Variants in NFIA observed in about 807,000 individuals in gnomAD.
The protein encoded by NFIA is nuclear factor 1 A-type.
A neutral mutation model predicts 62.8 loss-of-function variants in NFIA; 8 were observed. The ratio of observed to expected loss-of-function variants is 0.13; its 90% confidence interval spans 0.07 to 0.23. The LOEUF is 0.23. Among genes scored for constraint, NFIA ranks in the 10% least tolerant of loss-of-function variants. The pLI is 1.00. For synonymous variants in NFIA, 235 were observed against 238.1 expected (o/e 0.99, Z 0.12); for missense variants, 410 against 642.1 (o/e 0.64, Z 3.91).
intron 3 of NFIA, among the ~76,000 whole-genome samples, chr1:61,304,693 A>T (rs1201376258): frequency 6.6e-6 from 1 of 151,854 alleles, no homozygotes; most frequent in East Asian, 1.9e-4. Context: ...GATTGAAGAG[A>T]TGAAAGTTCC....
At chr1:61,296,205 A>G (rs1659182157) in intron 3 of NFIA, among the ~76,000 whole-genome samples, 1 of 152,228 alleles carries the variant, frequency 6.6e-6, no homozygotes, top group East Asian at 1.9e-4. Flanking sequence ...TGAATAAATG[A>G]TGCTCCAGTT....
At chr1:61,279,770 G>A (rs2100281686) in intron 3 of NFIA, among the ~76,000 whole-genome samples, 1 of 152,224 alleles carries the variant, frequency 6.6e-6, no homozygotes, top group South Asian at 2.1e-4. Context: ...TGAGAGGCCT[G>A]GCATGCCTTT....
At chr1:61,077,287 C>G, upstream of NFIA, 1 of 269,068 alleles carries the variant, frequency 3.7e-6, no homozygotes, top group Non-Finnish European at 6.9e-6. Context: ...CAATCCAAAG[C>G]ACGCAAGGCA....
chr1:61,102,518 T>G (rs981904303), intron 2 of NFIA, among the ~76,000 whole-genome samples: 15 of 152,190 alleles, frequency 9.9e-5, no homozygotes, highest in Admixed American at 4.6e-4. Context: ...CCTATCTTAT[T>G]TTTTGGTAAT....
At chr1:61,369,984 G>A (rs1364414680) in intron 6 of NFIA, among the ~76,000 whole-genome samples, 1 of 152,060 alleles carries the variant, frequency 6.6e-6, no homozygotes, top group African/African-American at 2.4e-5. Context: ...GTGGTTTTTG[G>A]CCATCAATGT....
intron 2 of NFIA, among the ~76,000 whole-genome samples, chr1:61,124,075 T>A (rs1057413570): frequency 1.3e-5 from 2 of 152,154 alleles, no homozygotes; most frequent in African/African-American, 4.8e-5. Context: ...GACAATAAAA[T>A]AATGAGCCAT....
At position 61,455,870 on chromosome 1, in the gene NFIA, C is replaced by G. The variant is rs937308717; in HGVS notation, c.*550C>G. ...TGGAAAAAGAAAATGCAGTTATATT[C>G]CTTTTTTATTTGTTCCTTTAGTTTG... On this transcript the variant is annotated 3_prime_UTR_variant, in exon 11 of 11. Coordinates refer to ENST00000403491, the MANE Select transcript of NFIA (RefSeq NM_001134673.4). The G allele has an allele frequency of 6.5e-6, 1 of 153,462 alleles. No homozygotes were observed. Among genetic ancestry groups the G allele is most frequent in the Non-Finnish European group, 1.5e-5 (1 of 68,700 alleles). 9.5% of individuals were successfully genotyped at this position (153,462 alleles called of 1,614,324 possible).
intron 2 of NFIA, among the ~76,000 whole-genome samples, chr1:61,237,040 T>G (rs1257803725): frequency 2.0e-5 from 3 of 152,166 alleles, no homozygotes; most frequent in Non-Finnish European, 4.4e-5. Flanking sequence ...GGGTGGGGAC[T>G]TTTTGTCTCT....
intron 2 of NFIA, among the ~76,000 whole-genome samples, chr1:61,194,704 A>G (rs1651875456): frequency 6.6e-6 from 1 of 152,160 alleles, no homozygotes; most frequent in Non-Finnish European, 1.5e-5. Context: ...AAGGTCCTGT[A>G]TGTAGGAACT....
intron 2 of NFIA, among the ~76,000 whole-genome samples, chr1:61,138,470 TAG>T (rs1169208595): frequency 1.3e-5 from 2 of 152,174 alleles, no homozygotes; most frequent in African/African-American, 2.4e-5. Context: ...CCACCACCCT[TAG>T]AGGTAGAAAG....
intron 2 of NFIA, among the ~76,000 whole-genome samples, chr1:61,210,186 T>A (rs548024557): frequency 6.6e-6 from 1 of 152,326 alleles, no homozygotes; most frequent in Non-Finnish European, 1.5e-5. Flanking sequence ...CAGGGCTGTC[T>A]CATTTCTGCA....
At chr1:61,225,344 G>A (rs1288482855) in intron 2 of NFIA, among the ~76,000 whole-genome samples, 1 of 151,476 alleles carries the variant, frequency 6.6e-6, no homozygotes, top group African/African-American at 2.4e-5. Context: ...TCTGCCTCCC[G>A]GGTTCAAGTG....
intron 2 of NFIA, among the ~76,000 whole-genome samples, chr1:61,147,997 T>G (rs1333770266): frequency 2.6e-5 from 4 of 152,164 alleles, no homozygotes; most frequent in African/African-American, 9.7e-5. Context: ...TTTAATTTAG[T>G]AGGTCGATTA....
rs377754003 is a variant in NFIA, at chr1:61,393,160, CT to C, written c.1075+9801del. The stretch of plus-strand genomic sequence containing the variant: ...ATGTATAGACTCATTATTTATTTTC[CT>C]TTTTTCAGCATAGAATAAAAAATTC... On this transcript the variant is annotated intron_variant, in intron 7 of 10. Coordinates refer to ENST00000403491, the MANE Select transcript of NFIA (RefSeq NM_001134673.4). 3.6e-3 allele frequency among the ~76,000 whole-genome samples: 309 copies of C among 84,676 alleles called. 1 individual carries two copies. Among genetic ancestry groups the C allele is most frequent in the African/African-American group, 0.019 (277 of 14,386 alleles). The allele number at this position is 84,676 out of a possible 152,430, so 55.6% of individuals were successfully genotyped here.
intron 2 of NFIA, among the ~76,000 whole-genome samples, chr1:61,208,662 G>A (rs1377955563): frequency 6.6e-6 from 1 of 151,968 alleles, no homozygotes; most frequent in African/African-American, 2.4e-5. Context: ...TTGTTATAAG[G>A]GTTAAATAAG....
chr1:61,277,373 ATCTTT>A, intron 2 of NFIA, 142 bp from the exon 3 acceptor site: 2 of 723,202 alleles, frequency 2.8e-6, no homozygotes, highest in Non-Finnish European at 4.6e-6. Flanking sequence ...TTCTCTTTCC[ATCTTT>A]TCTTTTTTTC....
At chr1:61,091,959 A>G (rs1646328492) in intron 2 of NFIA, among the ~76,000 whole-genome samples, 1 of 151,866 alleles carries the variant, frequency 6.6e-6, no homozygotes, top group South Asian at 2.1e-4. Context: ...CTTTTTAAGG[A>G]CTCATTTCTT....
chr1:61,239,573 A>G (rs759362985), intron 2 of NFIA, among the ~76,000 whole-genome samples: 19 of 152,286 alleles, frequency 1.2e-4, no homozygotes, highest in East Asian at 1.9e-4. Context: ...AGCATGTTCT[A>G]TGAATATAAG....
chr1:61,290,913 A>T (rs1370066337), intron 3 of NFIA, among the ~76,000 whole-genome samples: 1 of 152,156 alleles, frequency 6.6e-6, no homozygotes, highest in Non-Finnish European at 1.5e-5. Context: ...GGGTTCTCTT[A>T]TACTTACAGA....
Sources: gnomAD v4.1 joint callset for allele counts (sites outside exome capture counted in the v4.1 genomes callset) on GRCh38, gnomAD v4.1.1 for gene constraint, MANE v1.5 for transcripts, NCBI Gene and HGNC (gene_info 2026-07-23, HGNC 2026-07-21) for gene names.